The following TMEM272 variants were observed in gnomAD, a reference collection of about 807,000 sequenced individuals.
TMEM272 encodes the protein transmembrane protein 272, also known as long intergenic non-protein coding RNA 282.
In TMEM272, 8 loss-of-function variants were observed where a neutral mutation model predicts 3.7. The observed-to-expected ratio is 2.17, with a 90% CI of 1.27 to 3.91. The LOEUF (loss-of-function observed/expected upper bound fraction) is 3.91. TMEM272 is among the 30% of genes most tolerant of loss of function. The pLI is 0.00. For missense variants in TMEM272, 166 were observed against 91.5 expected (o/e 1.81, Z -3.32); for synonymous variants, 63 against 39.8 (o/e 1.58, Z -2.20).
chr13:51,831,858 C>G (rs1336454537), intron 2 of TMEM272, among the ~76,000 whole-genome samples: 2 of 152,242 alleles, frequency 1.3e-5, no homozygotes, highest in Admixed American at 6.5e-5. Flanking sequence ...CTCAGAGTGC[C>G]ACATTCTGGC....
At chr13:51,851,574 G>C in the TMEM272 span, among the ~76,000 whole-genome samples, 1 of 137,434 alleles carries the variant, frequency 7.3e-6, no homozygotes, top group Non-Finnish European at 1.5e-5. Context: ...ACCCAGGCTA[G>C]AGTGCAGTGG....
the TMEM272 span, among the ~76,000 whole-genome samples, chr13:51,876,252 CTCTTT>C: frequency 2.0e-5 from 3 of 152,256 alleles, no homozygotes; most frequent in Non-Finnish European, 4.4e-5. Flanking sequence ...AAATTATGTT[CTCTTT>C]TAATAGCTCC....
the TMEM272 span, among the ~76,000 whole-genome samples, chr13:51,905,073 C>T: frequency 6.6e-6 from 1 of 152,212 alleles, no homozygotes; most frequent in East Asian, 1.9e-4. Context: ...TTACCAAATG[C>T]TCCTGGGGGA....
chr13:51,925,356 A>C, the TMEM272 span, among the ~76,000 whole-genome samples: 1 of 152,238 alleles, frequency 6.6e-6, no homozygotes, highest in African/African-American at 2.4e-5. Context: ...TTACATCATC[A>C]GCAAAAGTAC....
At chr13:51,824,447 A>T (rs1232265274) in intron 3 of TMEM272, among the ~76,000 whole-genome samples, 1 of 152,252 alleles carries the variant, frequency 6.6e-6, no homozygotes, top group Non-Finnish European at 1.5e-5. Context: ...CATCTTGTGC[A>T]ACCATCACCA....
chr13:51,838,503 G>A lies in TMEM272; in HGVS notation c.28C>T (p.His10Tyr). Reference protein sequence around the residue: MPGGLEKTCHQCISKIASNA... With the variant: MPGGLEKTCYQCISKIASNA... ...CTGGCGATTTTAGAAATGCACTGAT[G>A]ACACGTTTTCTCCAGACCTCCTGGC... The change falls in exon 2 of 5, where the codon CAT becomes TAT. Residue 10 changes from histidine to tyrosine, a missense_variant. By Grantham distance (83) the His-to-Tyr change is moderately conservative (BLOSUM62 2). Coordinates refer to ENST00000629372, the MANE Select transcript of TMEM272 (RefSeq NM_001351003.2). 2 of 703,068 alleles carry A rather than the reference G, an allele frequency of 2.8e-6. No homozygotes were observed. Among genetic ancestry groups the A allele is most frequent in the South Asian group, 3.0e-5 (2 of 67,608 alleles). 43.6% of individuals were successfully genotyped at this position (703,068 alleles called of 1,614,324 possible).
At chr13:51,847,132 CA>C (rs1355856092), upstream of TMEM272, among the ~76,000 whole-genome samples, 4 of 152,154 alleles carry the variant, frequency 2.6e-5, no homozygotes, top group Non-Finnish European at 5.9e-5. Context: ...TTTAGATACA[CA>C]AATACTTACC....
the TMEM272 span, chr13:51,910,466 A>G: frequency 2.5e-6 from 2 of 809,838 alleles, no homozygotes; most frequent in East Asian, 5.0e-5. Context: ...GAACAGCAAC[A>G]AATCCAAGGA....
the TMEM272 span, chr13:51,865,593 T>C: frequency 3.7e-6 from 6 of 1,614,162 alleles, no homozygotes; most frequent in Non-Finnish European, 4.2e-6. Context: ...ATGTGGACTT[T>C]CCGAGGCAAG....
chr13:51,822,189 A>G, intron 3 of TMEM272, 52 bp from the exon 4 acceptor site: 1 of 649,590 alleles, frequency 1.5e-6, no homozygotes, highest in Non-Finnish European at 2.8e-6. Flanking sequence ...GAGAGCACAA[A>G]GCCCAGTTTT....
the TMEM272 span, among the ~76,000 whole-genome samples, chr13:51,893,915 A>G: frequency 6.6e-6 from 1 of 152,326 alleles, no homozygotes; most frequent in African/African-American, 2.4e-5. Flanking sequence ...GATTTAAATA[A>G]TAACGAAGAT....
intron 1 of TMEM272, among the ~76,000 whole-genome samples, chr13:51,839,422 G>C (rs576819956): frequency 1.3e-5 from 2 of 152,258 alleles, no homozygotes; most frequent in Admixed American, 1.3e-4. Flanking sequence ...CATTGCTTGG[G>C]AGTAAGGCCT....
chr13:51,932,606 C>T, the TMEM272 span: 2 of 152,250 alleles, frequency 1.3e-5, no homozygotes, highest in Non-Finnish European at 2.9e-5. Context: ...CAGTGCCTCA[C>T]AGAAGCCCTC....
the TMEM272 span, among the ~76,000 whole-genome samples, chr13:51,850,672 A>G: frequency 6.6e-6 from 1 of 152,198 alleles, no homozygotes. Context: ...TACCATATCT[A>G]TTTTTAAAAT....
chr13:51,930,052 A>C, the TMEM272 span, among the ~76,000 whole-genome samples: 1 of 152,160 alleles, frequency 6.6e-6, no homozygotes, highest in Non-Finnish European at 1.5e-5. Flanking sequence ...GATGTGGTTC[A>C]TCCACAAAGG....
the TMEM272 span, chr13:51,866,217 A>G: frequency 1.2e-6 from 1 of 803,752 alleles, no homozygotes; most frequent in Non-Finnish European, 1.9e-6. Context: ...TCCTGAGGCA[A>G]GGTTTGGAAA....
At chr13:51,900,049 A>G in the TMEM272 span, among the ~76,000 whole-genome samples, 1 of 152,232 alleles carries the variant, frequency 6.6e-6, no homozygotes, top group Admixed American at 6.5e-5. Flanking sequence ...TGGAACTCTT[A>G]GGAGAAAACC....
the TMEM272 span, among the ~76,000 whole-genome samples, chr13:51,880,245 T>C: frequency 1.3e-5 from 2 of 149,126 alleles, no homozygotes; most frequent in Non-Finnish European, 3.0e-5. Context: ...AGTTTCTAGA[T>C]TGTTGACTTT....
chr13:51,875,160 A>C, the TMEM272 span, among the ~76,000 whole-genome samples: 1 of 152,232 alleles, frequency 6.6e-6, no homozygotes, highest in Non-Finnish European at 1.5e-5. Flanking sequence ...AATGCTGTGC[A>C]TCACATTATA....
Sources: gnomAD v4.1 joint callset for allele counts (sites outside exome capture counted in the v4.1 genomes callset) on GRCh38, gnomAD v4.1.1 for gene constraint, MANE v1.5 for transcripts, NCBI Gene and HGNC (gene_info 2026-07-23, HGNC 2026-07-21) for gene names.